The following CNTN4 variants were observed in gnomAD, a reference collection of about 807,000 sequenced individuals.
The protein encoded by CNTN4 is contactin-4.
In CNTN4, 77 loss-of-function variants were observed where a neutral mutation model predicts 122.5. That is an observed-to-expected ratio of 0.63 (90% CI 0.52 to 0.76). The LOEUF (loss-of-function observed/expected upper bound fraction) is 0.76, where lower values mean the gene tolerates loss of function less well. Among genes scored for constraint, CNTN4 ranks in the 30% least tolerant of loss-of-function variants. The probability of loss-of-function intolerance (pLI) is 0.00; values close to 1 mark genes in which losing one functional copy is unlikely to be tolerated. For missense variants in CNTN4, 1,256 were observed against 1,259.1 expected (o/e 1.00, Z 0.04); for synonymous variants, 512 against 447.0 (o/e 1.15, Z -1.83).
chr3:2,818,161 A>T (rs1298936933), intron 6 of CNTN4, among the ~76,000 whole-genome samples: 1 of 152,184 alleles, frequency 6.6e-6, no homozygotes, highest in Middle Eastern at 3.2e-3. Context: ...TTGCCTTCTG[A>T]GTTGGCAAAA....
chr3:2,195,384 G>A (rs1247687112), intron 2 of CNTN4, among the ~76,000 whole-genome samples: 1 of 152,162 alleles, frequency 6.6e-6, no homozygotes, highest in Non-Finnish European at 1.5e-5. Flanking sequence ...CAATGAACAC[G>A]GGAGTGAAGA....
In CNTN4 at chr3:2,787,396, A is replaced by T. The variant is rs566050253; in HGVS notation, c.359-32090A>T. Among the ~76,000 whole-genome samples, 5 of 152,312 alleles carry T rather than the reference A, an allele frequency of 3.3e-5. No homozygotes were observed. In the East Asian group the frequency reaches 9.6e-4, roughly 29 times the overall value. ...GCCTCAAAAAAACATACATAAATAA[A>T]ATAAAATAAATATAAAAGGCATCTG... is the stretch of plus-strand genomic sequence containing the variant. On this transcript the variant is annotated intron_variant, in intron 6 of 24. Coordinates refer to ENST00000418658, the MANE Select transcript of CNTN4 (RefSeq NM_175607.3).
At chr3:2,673,041 G>T (rs1234865965) in intron 4 of CNTN4, among the ~76,000 whole-genome samples, 1 of 152,142 alleles carries the variant, frequency 6.6e-6, no homozygotes. Context: ...TTTTGTACTT[G>T]TCTAATGGCA....
chr3:2,914,222 T>C (rs58841542), intron 12 of CNTN4, among the ~76,000 whole-genome samples: 77,591 of 151,772 alleles, frequency 0.51, 19,981 homozygotes, highest in East Asian at 0.65. Context: ...CTCAAGTCAA[T>C]GCCCTAACTT....
intron 7 of CNTN4, among the ~76,000 whole-genome samples, chr3:2,838,991 A>C (rs779372812): frequency 6.6e-6 from 1 of 152,144 alleles, no homozygotes; most frequent in Non-Finnish European, 1.5e-5. Context: ...TATTATCTCA[A>C]ATGAAGTTCC....
intron 2 of CNTN4, among the ~76,000 whole-genome samples, chr3:2,229,625 T>G (rs895786629): frequency 1.3e-5 from 2 of 152,080 alleles, no homozygotes; most frequent in African/African-American, 4.8e-5. Flanking sequence ...GCAGAGCCTC[T>G]GTCTTAAAGT....
intron 14 of CNTN4, among the ~76,000 whole-genome samples, chr3:3,019,437 C>G (rs1196822937): frequency 1.3e-5 from 2 of 152,070 alleles, no homozygotes; most frequent in African/African-American, 4.8e-5. Flanking sequence ...GCTGGGACTA[C>G]AGGTGTACCA....
chr3:2,556,762 A>C (rs530206386), intron 3 of CNTN4, among the ~76,000 whole-genome samples: 141 of 152,234 alleles, frequency 9.3e-4, no homozygotes, highest in African/African-American at 3.2e-3. Flanking sequence ...TAACCATATG[A>C]GGAATGTCTA....
At chr3:2,673,083 C>G (rs192215724) in intron 4 of CNTN4, among the ~76,000 whole-genome samples, 15 of 152,110 alleles carry the variant, frequency 9.9e-5, no homozygotes, top group African/African-American at 2.9e-4. Context: ...TTGTTTTTCT[C>G]TCCGGTCAAT....
intron 14 of CNTN4, among the ~76,000 whole-genome samples, chr3:2,990,301 G>A (rs1694941141): frequency 6.6e-6 from 1 of 152,144 alleles, no homozygotes; most frequent in African/African-American, 2.4e-5. Context: ...GGATATGCGT[G>A]TATTCTAAAT....
At chr3:2,790,188 CA>C (rs2091964860) in intron 6 of CNTN4, among the ~76,000 whole-genome samples, 7 of 152,198 alleles carry the variant, frequency 4.6e-5, no homozygotes, top group Admixed American at 4.6e-4. Flanking sequence ...AGTTAGAATT[CA>C]AACCTGAGTT....
chr3:2,259,488 G>A (rs1303239532), intron 2 of CNTN4, among the ~76,000 whole-genome samples: 1 of 152,114 alleles, frequency 6.6e-6, no homozygotes, highest in Admixed American at 6.5e-5. Context: ...AGACATACCC[G>A]AGACTGGGTA....
intron 14 of CNTN4, among the ~76,000 whole-genome samples, chr3:2,991,503 C>A (rs1020354415): frequency 6.6e-6 from 1 of 152,070 alleles, no homozygotes; most frequent in African/African-American, 2.4e-5. Flanking sequence ...CAGGAGTTAA[C>A]AATCCTGTTA....
chr3:2,647,972 A>G (rs1333914513), intron 4 of CNTN4, among the ~76,000 whole-genome samples: 1 of 152,186 alleles, frequency 6.6e-6, no homozygotes, highest in Non-Finnish European at 1.5e-5. Context: ...GATAACTGTA[A>G]TTTGCAGTTG....
At chr3:2,270,602 T>C (rs959172277) in intron 2 of CNTN4, among the ~76,000 whole-genome samples, 4 of 152,272 alleles carry the variant, frequency 2.6e-5, no homozygotes, top group African/African-American at 7.2e-5. Flanking sequence ...TATCTGTTAA[T>C]ATGCTCTGTG....
chr3:2,100,084 G>A (rs2031785000), intron 1 of CNTN4, among the ~76,000 whole-genome samples: 2 of 152,200 alleles, frequency 1.3e-5, no homozygotes, highest in Non-Finnish European at 2.9e-5. Flanking sequence ...AGAAGCTGGC[G>A]GAGGTTGTGT....
chr3:2,268,058 GTT>G (rs1023939328), intron 2 of CNTN4, among the ~76,000 whole-genome samples: 1 of 152,084 alleles, frequency 6.6e-6, no homozygotes, highest in Non-Finnish European at 1.5e-5. Context: ...AGCAGTCAAT[GTT>G]TTTGACCTGA....
Position 2,125,923 on chromosome 3 carries a change from G to GTGTGTA in CNTN4, c.-145+25290_-145+25295dup, listed in dbSNP as rs1553570978. ...TGTGTGTGTGTGTGTGTGTGTGTGT[G>GTGTGTA]TGTGTATGTGTGTATGTGTGTGTGT... On this transcript the variant is annotated intron_variant, in intron 2 of 24. Coordinates refer to ENST00000418658, the MANE Select transcript of CNTN4 (RefSeq NM_175607.3). Among the ~76,000 whole-genome samples the GTGTGTA allele has an allele frequency of 1.8e-3, 275 of 150,788 alleles. 1 individual carries two copies. The highest frequency in any genetic ancestry group is 3.4e-3 in the Non-Finnish European group (231 of 67,624).
At chr3:2,250,646 G>C (rs576520091) in intron 2 of CNTN4, among the ~76,000 whole-genome samples, 1 of 151,912 alleles carries the variant, frequency 6.6e-6, no homozygotes, top group Admixed American at 6.6e-5. Flanking sequence ...TAACCAAACT[G>C]TTTTGGAACC....
Sources: allele counts gnomAD v4.1 joint callset (sites outside exome capture counted in the v4.1 genomes callset), GRCh38; gene constraint gnomAD v4.1.1; transcripts MANE v1.5; gene names NCBI Gene and HGNC (gene_info 2026-07-23, HGNC 2026-07-21).